TMEM116: variants seen among roughly 807,000 people sequenced by gnomAD.
TMEM116 encodes the protein transmembrane protein 116.
Under a neutral mutation model 44.3 loss-of-function variants are expected in TMEM116, and 38 were observed. The ratio of observed to expected loss-of-function variants is 0.86; its 90% CI spans 0.66 to 1.12. TMEM116 has a LOEUF of 1.12. TMEM116 is among the 50% of genes most tolerant of loss of function. The pLI is 0.00. For synonymous variants in TMEM116, 132 were observed against 144.8 expected, an observed-to-expected ratio of 0.91 and a Z score of 0.64; for missense variants, 354 against 401.7, an observed-to-expected ratio of 0.88 and a Z score of 1.01.
chr12:111,969,213 G>A (rs2136442969), intron 4 of TMEM116, among the ~76,000 whole-genome samples: 1 of 150,854 alleles, frequency 6.6e-6, no homozygotes, highest in South Asian at 2.1e-4. Flanking sequence ...CCAGCTACTC[G>A]GGAGGCTGAG....
chr12:111,966,342 G>A (rs1309799620), intron 4 of TMEM116, among the ~76,000 whole-genome samples: 1 of 152,124 alleles, frequency 6.6e-6, no homozygotes, highest in Non-Finnish European at 1.5e-5. Context: ...TGTGGTACCA[G>A]ACTTAAGGTG....
At chr12:111,949,883 G>A (rs2073579592) in intron 4 of TMEM116, among the ~76,000 whole-genome samples, 1 of 152,174 alleles carries the variant, frequency 6.6e-6, no homozygotes, top group South Asian at 2.1e-4. Context: ...GGAAGACCGA[G>A]GCGGGTGGAT....
chr12:112,003,824 G>A lies in TMEM116; in HGVS notation c.54C>T (p.Phe18=), dbSNP rs1453582433. ...CCTCTGGAGATTTCTGTATATTATG[G>A]AATACAGCATAGGCAATAAGTGAAC... The part of the protein sequence containing the change: ...GSSSLIAYAV[F]HNIQKSPEIR... The change falls in exon 3 of 11, where the codon TTC becomes TTT. Residue 18 remains phenylalanine (F), a synonymous_variant. Transcript: ENST00000552374. 1.3e-6 allele frequency: 2 copies of A among 1,512,742 alleles called. No individual in the cohort carries two copies. Among genetic ancestry groups the A allele is most frequent in the African/African-American group, 1.4e-5 (1 of 71,496 alleles). 93.7% of individuals were successfully genotyped at this position (1,512,742 alleles called of 1,614,324 possible).
intron 5 of TMEM116, 29 bp from the exon 6 acceptor site, chr12:111,938,239 C>T: frequency 1.3e-6 from 2 of 1,481,610 alleles, no homozygotes; most frequent in Non-Finnish European, 1.8e-6. Flanking sequence ...TGAGAAATGT[C>T]TTAAGACATT....
chr12:111,979,629 C>T (rs1180539835), intron 4 of TMEM116, among the ~76,000 whole-genome samples: 1 of 151,930 alleles, frequency 6.6e-6, no homozygotes, highest in Non-Finnish European at 1.5e-5. Flanking sequence ...TTGCCTCATT[C>T]AAAAAAATTT....
chr12:111,960,361 G>A (rs1159922525), intron 4 of TMEM116, among the ~76,000 whole-genome samples: 8 of 151,206 alleles, frequency 5.3e-5, no homozygotes, highest in Non-Finnish European at 1.0e-4. Context: ...GGGTGGTGGC[G>A]GGCCCCTGTA....
At chr12:111,964,913 A>G (rs7315950) in intron 4 of TMEM116, among the ~76,000 whole-genome samples, 40,697 of 151,898 alleles carry the variant, frequency 0.27, 7,117 homozygotes, top group East Asian at 0.85. Flanking sequence ...GGCTGGTCTC[A>G]AACTCCTGGA....
intron 4 of TMEM116, among the ~76,000 whole-genome samples, chr12:111,956,015 T>G (rs2074063565): frequency 6.6e-6 from 1 of 152,244 alleles, no homozygotes. Flanking sequence ...GATGCATGAC[T>G]GTATTTCTGA....
At chr12:111,957,453 G>A (rs1286811561) in intron 4 of TMEM116, among the ~76,000 whole-genome samples, 1 of 152,126 alleles carries the variant, frequency 6.6e-6, no homozygotes, top group Non-Finnish European at 1.5e-5. Flanking sequence ...TCTGGGAAGT[G>A]AGGAGCGTCT....
chr12:111,997,240 TA>T (rs1009914874), intron 3 of TMEM116, among the ~76,000 whole-genome samples: 1 of 152,060 alleles, frequency 6.6e-6, no homozygotes, highest in Non-Finnish European at 1.5e-5. Context: ...TATCTCACAA[TA>T]AAAAAATACA....
rs1291808032 is a variant in TMEM116, at chr12:111,931,367, C to T, written c.*254G>A. ...AAATCCAATATCCATCAAGGTAACA[C>T]GAGTCTATCTCTGAGATGGAAAGTG... On this transcript the variant is annotated 3_prime_UTR_variant, in exon 11 of 11. Coordinates refer to ENST00000552374, the MANE Select transcript of TMEM116 (RefSeq NM_001193531.2). The T allele has an allele frequency of 1.4e-5, 7 of 488,342 alleles. No homozygotes were observed. The highest frequency in any genetic ancestry group is 6.0e-5 in the African/African-American group (3 of 49,762). The allele number at this position is 488,342 out of a possible 1,614,324, so 30.3% of individuals were successfully genotyped here. A position where few individuals can be genotyped will look rare whatever the true frequency, so the allele number is the denominator to read the frequency against.
At position 111,931,410 on chromosome 12, in the gene TMEM116, A is replaced by G; in HGVS notation, c.*211T>C. 8.8e-6 allele frequency: 5 copies of G among 571,408 alleles called. No individual in the cohort carries two copies. The South Asian group carries it at 1.1e-4, about 12-fold the overall frequency. 35.4% of individuals were successfully genotyped at this position (571,408 alleles called of 1,614,324 possible). On this transcript the variant is annotated 3_prime_UTR_variant, in exon 11 of 11. Transcript: ENST00000552374. ...GGAAAGTGTCTTCCTCTCCCTGAATAGAGACTTTAAGGATCACTAGTGAAT... is the reference window on the plus strand; with the variant it reads ...GGAAAGTGTCTTCCTCTCCCTGAATGGAGACTTTAAGGATCACTAGTGAAT...
intron 4 of TMEM116, among the ~76,000 whole-genome samples, chr12:111,963,345 A>G (rs755425105): frequency 1.5e-4 from 23 of 152,218 alleles, no homozygotes; most frequent in Non-Finnish European, 2.8e-4. Flanking sequence ...AGGATTAGAA[A>G]TCATTCTACT....
intron 1 of TMEM116, among the ~76,000 whole-genome samples, chr12:112,006,341 T>G (rs757646114): frequency 1.5e-4 from 23 of 151,594 alleles, no homozygotes; most frequent in Non-Finnish European, 3.1e-4. Flanking sequence ...AGAGCTGCAA[T>G]AGAGAAATGG....
At chr12:111,943,137 T>C (rs778199570) in intron 5 of TMEM116, 128 bp downstream of exon 5, 1 of 734,186 alleles carries the variant, frequency 1.4e-6, no homozygotes, top group African/African-American at 1.8e-5. Context: ...TTGCCCAGAC[T>C]GGCCTCGAAT....
intron 3 of TMEM116, chr12:112,000,932 G>T: frequency 2.5e-6 from 1 of 407,292 alleles, no homozygotes; most frequent in South Asian, 1.8e-5. Flanking sequence ...GCATGGCGAT[G>T]GCACTGACAC....
intron 4 of TMEM116, among the ~76,000 whole-genome samples, chr12:111,971,168 C>T (rs1018417482): frequency 2.6e-5 from 4 of 151,682 alleles, no homozygotes; most frequent in African/African-American, 9.7e-5. Context: ...GACATTTAGG[C>T]AGATGAAATA....
At chr12:111,940,565 G>GTATATATATATA (rs1182152145) in intron 5 of TMEM116, among the ~76,000 whole-genome samples, 2 of 127,946 alleles carry the variant, frequency 1.6e-5, no homozygotes, top group African/African-American at 6.0e-5. Flanking sequence ...ATATATATGT[G>GTATATATATATA]TGTATATATA....
intron 4 of TMEM116, among the ~76,000 whole-genome samples, chr12:111,985,783 G>A (rs1261378353): frequency 1.3e-5 from 2 of 152,004 alleles, no homozygotes; most frequent in African/African-American, 4.8e-5. Context: ...TTTTTGTAGA[G>A]ACGAGGTCTC....
Sources: allele counts gnomAD v4.1 joint callset (sites outside exome capture counted in the v4.1 genomes callset), GRCh38; gene constraint gnomAD v4.1.1; transcripts MANE v1.5; gene names NCBI Gene and HGNC (gene_info 2026-07-23, HGNC 2026-07-21).